The following LGSN variants were observed in gnomAD, a reference collection of about 807,000 sequenced individuals.
LGSN encodes lengsin, lens protein with glutamine synthetase domain.
In LGSN, 21 loss-of-function variants were observed where a neutral mutation model predicts 19.5. The observed-to-expected ratio is 1.07, with a 90% CI of 0.76 to 1.55. The LOEUF (loss-of-function observed/expected upper bound fraction) is 1.55. LGSN is among the 40% of genes most tolerant of loss of function. LGSN has a pLI of 0.00. For missense variants in LGSN, 673 were observed against 608.5 expected (o/e 1.11, Z -1.12); for synonymous variants, 257 against 215.6 (o/e 1.19, Z -1.68).
the LGSN span, among the ~76,000 whole-genome samples, chr6:63,361,349 G>A: frequency 6.6e-6 from 1 of 152,138 alleles, no homozygotes; most frequent in African/African-American, 2.4e-5. Flanking sequence ...TCAAGCCTCG[G>A]CAATGGTGGG....
the LGSN span, among the ~76,000 whole-genome samples, chr6:63,325,869 G>C: frequency 6.6e-6 from 1 of 152,130 alleles, no homozygotes. Context: ...AAGAGCGAAA[G>C]AACAAAGCTT....
the LGSN span, among the ~76,000 whole-genome samples, chr6:63,534,221 A>T: frequency 3.3e-5 from 5 of 150,860 alleles, no homozygotes; most frequent in Non-Finnish European, 5.9e-5. Flanking sequence ...AATTACGTTT[A>T]AAAAAAAAGT....
At chr6:63,370,195 A>G in the LGSN span, among the ~76,000 whole-genome samples, 34 of 152,352 alleles carry the variant, frequency 2.2e-4, no homozygotes, top group African/African-American at 7.5e-4. Flanking sequence ...GTAAGAAGTC[A>G]CATTGCAAAG....
chr6:63,281,301 G>GAAAA (rs1465617710), intron 3 of LGSN, 81 bp from the exon 4 acceptor site: 14 of 99,312 alleles, frequency 1.4e-4, no homozygotes, highest in African/African-American at 6.9e-4. Flanking sequence ...CCTTGCTAAT[G>GAAAA]AAAATATATA....
the LGSN span, among the ~76,000 whole-genome samples, chr6:63,331,582 A>G: frequency 6.6e-6 from 1 of 152,006 alleles, no homozygotes; most frequent in Non-Finnish European, 1.5e-5. Flanking sequence ...AGAATCCACA[A>G]CGGTCCCTGG....
At chr6:63,508,498 T>C in the LGSN span, among the ~76,000 whole-genome samples, 1 of 152,202 alleles carries the variant, frequency 6.6e-6, no homozygotes, top group Non-Finnish European at 1.5e-5. Flanking sequence ...AAAATTATAC[T>C]CTTAGGAAAC....
chr6:63,477,091 G>A, the LGSN span, among the ~76,000 whole-genome samples: 1 of 152,190 alleles, frequency 6.6e-6, no homozygotes, highest in African/African-American at 2.4e-5. Context: ...TACCAAAACT[G>A]TTGGAAGCAG....
the LGSN span, among the ~76,000 whole-genome samples, chr6:63,403,747 A>G: frequency 1.3e-5 from 2 of 152,162 alleles, no homozygotes; most frequent in African/African-American, 2.4e-5. Context: ...GGTTAATAGG[A>G]CAATATTACT....
At chr6:63,486,330 G>T in the LGSN span, among the ~76,000 whole-genome samples, 1 of 152,106 alleles carries the variant, frequency 6.6e-6, no homozygotes, top group Non-Finnish European at 1.5e-5. Flanking sequence ...TGTTTTTGGA[G>T]GTGAACATCC....
At chr6:63,480,297 G>A in the LGSN span, 9,913 of 214,954 alleles carry the variant, frequency 0.046, 1,064 homozygotes, top group African/African-American at 0.22. Context: ...GCTCTACATT[G>A]GTATAATTAC....
the LGSN span, among the ~76,000 whole-genome samples, chr6:63,398,539 T>C: frequency 6.6e-6 from 1 of 152,162 alleles, no homozygotes. Flanking sequence ...TACAATGTGT[T>C]TGTGTTTTAA....
the LGSN span, among the ~76,000 whole-genome samples, chr6:63,484,927 T>C: frequency 6.6e-6 from 1 of 152,232 alleles, no homozygotes; most frequent in Non-Finnish European, 1.5e-5. Context: ...TATCTCCCCA[T>C]CTTTCTCCCC....
At chr6:63,364,742 G>C in the LGSN span, among the ~76,000 whole-genome samples, 1 of 152,158 alleles carries the variant, frequency 6.6e-6, no homozygotes, top group South Asian at 2.1e-4. Flanking sequence ...CTGTCTCTCA[G>C]ACCACAGTGC....
the LGSN span, among the ~76,000 whole-genome samples, chr6:63,533,851 A>AATTC: frequency 6.6e-6 from 1 of 151,592 alleles, no homozygotes; most frequent in Non-Finnish European, 1.5e-5. Flanking sequence ...TTAATTAATT[A>AATTC]ATTAATTTTT....
chr6:63,388,920 A>T, the LGSN span, among the ~76,000 whole-genome samples: 1 of 152,314 alleles, frequency 6.6e-6, no homozygotes, highest in East Asian at 1.9e-4. Flanking sequence ...GGCACAAACC[A>T]TGTACAGTCA....
the LGSN span, among the ~76,000 whole-genome samples, chr6:63,351,978 A>G: frequency 2.0e-5 from 3 of 152,224 alleles, no homozygotes; most frequent in African/African-American, 7.2e-5. Flanking sequence ...ATAAAGAAAG[A>G]ATTTCTTGTA....
At chr6:63,335,528 CA>C in the LGSN span, among the ~76,000 whole-genome samples, 1 of 152,044 alleles carries the variant, frequency 6.6e-6, no homozygotes, top group Non-Finnish European at 1.5e-5. Context: ...AAGAGACATA[CA>C]AATGGCCAAC....
chr6:63,438,186 G>A, the LGSN span, among the ~76,000 whole-genome samples: 1 of 152,162 alleles, frequency 6.6e-6, no homozygotes, highest in South Asian at 2.1e-4. Flanking sequence ...GCCAAGGTGG[G>A]TGGATCACTT....
At chr6:63,556,548 G>C in the LGSN span, among the ~76,000 whole-genome samples, 1 of 152,138 alleles carries the variant, frequency 6.6e-6, no homozygotes, top group Non-Finnish European at 1.5e-5. Flanking sequence ...ATTTTTCTCA[G>C]GGCGTGGTTT....
Sources: gnomAD v4.1 joint callset for allele counts (sites outside exome capture counted in the v4.1 genomes callset) on GRCh38, gnomAD v4.1.1 for gene constraint, MANE v1.5 for transcripts, NCBI Gene and HGNC (gene_info 2026-07-23, HGNC 2026-07-21) for gene names.